The following FER1L5 variants were observed in gnomAD, a reference collection of about 807,000 sequenced individuals.
The protein encoded by FER1L5 is fer-1 like family member 5.
Under a neutral mutation model 279.9 loss-of-function variants are expected in FER1L5, and 187 were observed. The observed-to-expected ratio is 0.67, with a 90% CI of 0.59 to 0.75. The LOEUF is 0.75. FER1L5 is among the 30% of genes least tolerant of loss of function. The pLI is 0.00. For synonymous variants in FER1L5, 921 were observed against 989.7 expected, an observed-to-expected ratio of 0.93 and a Z score of 1.30; for missense variants, 2,091 against 2,594.4, an observed-to-expected ratio of 0.81 and a Z score of 4.21.
chr2:96,692,030 GACA>G, intron 30 of FER1L5, 67 bp downstream of exon 30: 2 of 884,456 alleles, frequency 2.3e-6, no homozygotes, highest in Non-Finnish European at 3.6e-6. Context: ...GGGGGGGGGG[GACA>G]GGGTGGGGGC....
At chr2:96,675,150 C>T (rs2076465500) in intron 19 of FER1L5, among the ~76,000 whole-genome samples, 1 of 152,120 alleles carries the variant, frequency 6.6e-6, no homozygotes, top group Non-Finnish European at 1.5e-5. Flanking sequence ...TGCATAAATT[C>T]CACTGTGTGA....
chr2:96,699,651 T>C lies in FER1L5; in HGVS notation c.4712T>C (p.Val1571Ala), dbSNP rs2077518440. The C allele has an allele frequency of 1.2e-6, 2 of 1,614,008 alleles. No homozygotes were observed. Residue 1571 changes from valine to alanine, a missense_variant, in exon 43 of 53, where the codon GTC becomes GCC. Coordinates refer to ENST00000624922, the MANE Select transcript of FER1L5 (RefSeq NM_001293083.2). ...CCTGATGATAAGATAGGAACCACAGTCATCGACCTTGAAAACCGACTCCTA... is the reference window on the plus strand; with the variant it reads ...CCTGATGATAAGATAGGAACCACAGCCATCGACCTTGAAAACCGACTCCTA... The part of the protein sequence containing the change: ...FSPDDKIGTT[V>A]IDLENRLLSG...
chr2:96,682,293 T>C (rs1254566324), intron 19 of FER1L5, among the ~76,000 whole-genome samples: 2 of 152,198 alleles, frequency 1.3e-5, no homozygotes, highest in African/African-American at 2.4e-5. Context: ...AGTTTCGCCA[T>C]GTTGGCCAGG....
chr2:96,695,778 G>A lies in FER1L5; in HGVS notation c.3931G>A (p.Val1311Met), dbSNP rs201835531. The A allele has an allele frequency of 1.5e-5, 24 of 1,612,702 alleles. 1 individual carries two copies. Among genetic ancestry groups the A allele is most frequent in the African/African-American group, 1.1e-4 (8 of 74,942 alleles). The change falls in exon 36 of 53, where the codon GTG becomes ATG. Residue 1311 changes from valine (V) to methionine (M), a missense_variant. Transcript: ENST00000624922. ...GGAGGAGGCCTATGCACTGCCCCTC[G>A]TGGTGAAGGTGGTAGACAACTGGGC... ...PTEEAYALPLVVKVVDNWAFG... is the reference protein window; with the variant it reads ...PTEEAYALPLMVKVVDNWAFG...
At chr2:96,651,320 TTCTC>T (rs879880895) in intron 6 of FER1L5, among the ~76,000 whole-genome samples, 1 of 150,920 alleles carries the variant, frequency 6.6e-6, no homozygotes, top group Admixed American at 6.6e-5. Context: ...CCTTCCTTCT[TTCTC>T]TCTTTCTTTC....
intron 1 of FER1L5, among the ~76,000 whole-genome samples, chr2:96,643,766 C>T (rs1319162700): frequency 6.7e-6 from 1 of 150,002 alleles, no homozygotes; most frequent in Non-Finnish European, 1.5e-5. Flanking sequence ...GAAAAGAATC[C>T]CAAGAAGGAA....
At chr2:96,644,059 C>T (rs981474233) in intron 1 of FER1L5, among the ~76,000 whole-genome samples, 1 of 151,306 alleles carries the variant, frequency 6.6e-6, no homozygotes, top group African/African-American at 2.4e-5. Flanking sequence ...GTAATCCCAG[C>T]TACTTGGGAG....
In FER1L5 at chr2:96,685,355, C is replaced by T; in HGVS notation, c.1821C>T (p.Ser607=). The T allele has an allele frequency of 6.4e-7, 1 of 1,551,336 alleles. No homozygotes were observed. Among genetic ancestry groups the T allele is most frequent in the Non-Finnish European group, 8.7e-7 (1 of 1,146,858 alleles). Residue 607 remains serine, a synonymous_variant, in exon 21 of 53, where the codon TCC becomes TCT. Coordinates refer to ENST00000624922, the MANE Select transcript of FER1L5 (RefSeq NM_001293083.2). ...AAGCCAACCTGGACACCCTGAAATC[C>T]ACGCGGAATCCGAAGGATCCAGCTC... ...RLKANLDTLK[S]TRNPKDPALL...
Position 96,686,122 on chromosome 2 carries a change from G to A in FER1L5, c.2073+5G>A, listed in dbSNP as rs1452281339. The A allele has an allele frequency of 6.5e-7, 1 of 1,549,744 alleles. No individual in the cohort carries two copies. On this transcript the variant is annotated splice_donor_5th_base_variant and intron_variant, in intron 22 of 52. Transcript: ENST00000624922. ...CTCAACACCGTGCTCCCTGAGGTGG[G>A]TGCTGCACACACTGGCCTGCAGCAG...
intron 1 of FER1L5, 93 bp downstream of exon 1, chr2:96,643,014 A>T (rs966953776): frequency 1.9e-6 from 2 of 1,065,544 alleles, no homozygotes; most frequent in Non-Finnish European, 2.7e-6. Flanking sequence ...CCCACTACAT[A>T]AAAGATGCCC....
In FER1L5 at chr2:96,670,159, G is replaced by A. The variant is rs1364794010; in HGVS notation, c.1403G>A (p.Gly468Asp). 1.9e-6 allele frequency: 3 copies of A among 1,551,630 alleles called. No individual in the cohort carries two copies. The highest frequency in any genetic ancestry group is 2.6e-6 in the Non-Finnish European group (3 of 1,146,980). The change falls in exon 18 of 53, where the codon GGC becomes GAC. Residue 468 changes from glycine (G) to aspartate (D), a missense_variant. Gly to Asp is a moderately conservative substitution (Grantham distance 94). Transcript: ENST00000624922. ...GTTAGGGATGGTTTAGCTTATCGAG[G>A]CCGAGTCTTCCTGGAGTTAATCACC... ...DSVRDGLAYR[G>D]RVFLELITQI...
At chr2:96,661,294 C>A (rs2075944912) in intron 10 of FER1L5, 31 bp from the exon 11 acceptor site, 3 of 1,437,072 alleles carry the variant, frequency 2.1e-6, no homozygotes, top group Non-Finnish European at 2.8e-6. Context: ...AGGCTGCAGG[C>A]AGATCTCCCA....
chr2:96,686,610 T>C (rs1443107793), intron 23 of FER1L5, among the ~76,000 whole-genome samples: 1 of 152,030 alleles, frequency 6.6e-6, no homozygotes, highest in Non-Finnish European at 1.5e-5. Flanking sequence ...ATCCCAGCAC[T>C]TTGGGAGGCT....
rs375633156 is a variant in FER1L5 at position 96,674,751 on chromosome 2, C to T, written c.1669+1497C>T. Among the ~76,000 whole-genome samples, 17 of 152,192 alleles carry T rather than the reference C, an allele frequency of 1.1e-4. No homozygotes were observed. The East Asian group carries it at 2.7e-3, about 24-fold the overall frequency. On this transcript the variant is annotated intron_variant, in intron 19 of 52. Transcript: ENST00000624922. ...ACCTGAGCCTGGGAGGCAGAGGTTG[C>T]AGTGAGCCAAGATCGCACCACTGCA...
rs1365269938 is a variant in FER1L5, at chr2:96,668,872, G to A, written c.1185-14G>A. 6.4e-7 allele frequency: 1 copy of A among 1,551,502 alleles called. No individual in the cohort carries two copies. Among genetic ancestry groups the A allele is most frequent in the African/African-American group, 1.4e-5 (1 of 73,034 alleles). ...GGGCCGGGGGCTCAGCCTGAGGAGT[G>A]TGTTTCTCTCTAGCCGCAAGAAGGA... On this transcript the variant is annotated splice_polypyrimidine_tract_variant and intron_variant, in intron 15 of 52. Transcript: ENST00000624922.
At chr2:96,692,024 G>GT in intron 30 of FER1L5, 61 bp downstream of exon 30, 3 of 1,345,044 alleles carry the variant, frequency 2.2e-6, no homozygotes, top group Non-Finnish European at 3.1e-6. Flanking sequence ...GAGGGCGGGG[G>GT]GGGGGGACAG....
chr2:96,663,648 G>A (rs1037534827), intron 14 of FER1L5, 141 bp downstream of exon 14: 5 of 877,140 alleles, frequency 5.7e-6, no homozygotes, highest in Non-Finnish European at 9.2e-6. Context: ...GGGAGCATGA[G>A]GAAGCCCAGG....
In FER1L5 at chr2:96,691,300, A is replaced by G. The variant is rs1464025848; in HGVS notation, c.2854A>G (p.Arg952Gly). ...RRRRWARVRF[R>G]NHGELSHEQE... ...CCGGCGCTGGGCGCGTGTGCGCTTC[A>G]GGAACCATGGGGAGCTGAGCCACGA... Residue 952 changes from arginine to glycine, a missense_variant, in exon 28 of 53, where the codon AGG becomes GGG. Transcript: ENST00000624922. This position sits in a 1 kb window ranked among gnomAD's most constrained non-coding sequence, Gnocchi z 6.0. 1 of 1,550,454 alleles carries G rather than the reference A, an allele frequency of 6.4e-7. No individual in the cohort carries two copies. Among genetic ancestry groups the G allele is most frequent in the Non-Finnish European group, 8.7e-7 (1 of 1,146,858 alleles).
Position 96,704,545 on chromosome 2 carries a change from A to G in FER1L5, c.6027A>G (p.Ser2009=). 2 of 1,613,874 alleles carry G rather than the reference A, an allele frequency of 1.2e-6. No homozygotes were observed. Among genetic ancestry groups the G allele is most frequent in the Middle Eastern group, 1.6e-4 (1 of 6,062 alleles). The change falls in exon 53 of 53, where the codon TCA becomes TCG. Residue 2009 remains serine, a synonymous_variant. Transcript: ENST00000624922. The stretch of plus-strand genomic sequence containing the variant: ...TTAAAATATTCAATATCATCAATTC[A>G]CTAAACACCAGCAACGCCAGCTCTT... ...PPIKIFNIIN[S]LNTSNASSSI... is the part of the protein sequence containing the mutation.
Sources: allele counts gnomAD v4.1 joint callset (sites outside exome capture counted in the v4.1 genomes callset), GRCh38; gene constraint gnomAD v4.1.1; non-coding constraint Gnocchi (gnomAD v3.1); transcripts MANE v1.5; gene names NCBI Gene and HGNC (gene_info 2026-07-23, HGNC 2026-07-21).